The following FREM1 variants were observed in gnomAD, a reference collection of about 807,000 sequenced individuals.
FREM1 encodes FRAS1 related extracellular matrix 1.
In FREM1, 220 loss-of-function variants were observed where a neutral mutation model predicts 210.1. The ratio of observed to expected loss-of-function variants is 1.05; its 90% CI spans 0.94 to 1.17. The LOEUF is 1.17. Among genes scored for constraint, FREM1 ranks in the 50% most tolerant of loss-of-function variants. FREM1 has a pLI of 0.00. For synonymous variants in FREM1, 1,189 were observed against 980.2 expected (o/e 1.21, Z -3.98); for missense variants, 3,454 against 2,675.5 (o/e 1.29, Z -6.42).
At chr9:14,831,205 C>G (rs1003284805) in intron 10 of FREM1, among the ~76,000 whole-genome samples, 2 of 152,184 alleles carry the variant, frequency 1.3e-5, no homozygotes, top group African/African-American at 4.8e-5. Context: ...CTCCAACAGC[C>G]CATTCTGGGT....
chr9:14,810,546 G>A (rs1219513914), intron 16 of FREM1, among the ~76,000 whole-genome samples: 4 of 152,204 alleles, frequency 2.6e-5, no homozygotes. Context: ...CCACCTCCTG[G>A]GCTCAAGCGA....
At chr9:14,779,236 G>T (rs752744176) in intron 24 of FREM1, among the ~76,000 whole-genome samples, 2 of 152,074 alleles carry the variant, frequency 1.3e-5, no homozygotes, top group Non-Finnish European at 2.9e-5. Context: ...CTGGCTCTCT[G>T]TTCCTTACCA....
Position 14,805,104 on chromosome 9 carries a change from T to C in FREM1, c.3323A>G (p.Gln1108Arg), listed in dbSNP as rs781218883. The change falls in exon 19 of 37, where the codon CAG becomes CGG. Residue 1108 changes from glutamine to arginine, a missense_variant. Transcript: ENST00000380880. ...DMNAFHINYV[Q>R]SRHLRIEPTA... The stretch of plus-strand genomic sequence containing the variant: ...TGGTTCTATCCTCAGATGCCTGGAC[T>C]GCACATAGTTAATGTGAAAAGCGTT... The C allele has an allele frequency of 6.2e-7, 1 of 1,605,672 alleles. No homozygotes were observed. Among genetic ancestry groups the C allele is most frequent in the Non-Finnish European group, 8.5e-7 (1 of 1,174,728 alleles).
intron 1 of FREM1, among the ~76,000 whole-genome samples, chr9:14,887,382 T>C (rs1183902083): frequency 2.6e-5 from 4 of 152,216 alleles, no homozygotes; most frequent in Non-Finnish European, 5.9e-5. Context: ...CAAGTGCCCT[T>C]TCCCCTGTAT....
rs951723576 is a variant in FREM1 at position 14,836,423 on chromosome 9, T to C, written c.1881+5024A>G. ...TAGTGATGCACTTTTAAATGAAACA[T>C]GCTGCTTTTGGATTAACACCTAGTA... On this transcript the variant is annotated intron_variant, in intron 10 of 36. Transcript: ENST00000380880. This position sits in a 1 kb window ranked among gnomAD's most constrained non-coding sequence, Gnocchi z 4.9. Among the ~76,000 whole-genome samples, 1 of 152,218 alleles carries C rather than the reference T, an allele frequency of 6.6e-6. No individual in the cohort carries two copies. The highest frequency in any genetic ancestry group is 1.5e-5 in the Non-Finnish European group (1 of 68,040).
At chr9:14,861,667 C>A (rs1830621881) in intron 3 of FREM1, among the ~76,000 whole-genome samples, 1 of 151,716 alleles carries the variant, frequency 6.6e-6, no homozygotes. Context: ...CCACCACTCC[C>A]AGCTAATTTT....
intron 27 of FREM1, among the ~76,000 whole-genome samples, chr9:14,761,494 C>T (rs1344555741): frequency 2.0e-5 from 3 of 152,142 alleles, no homozygotes; most frequent in Non-Finnish European, 4.4e-5. Context: ...TCTGATGCAA[C>T]TGAATTTAAA....
intron 36 of FREM1, among the ~76,000 whole-genome samples, chr9:14,738,860 CTT>C (rs2131838760): frequency 6.6e-6 from 1 of 151,578 alleles, no homozygotes; most frequent in South Asian, 2.1e-4. Flanking sequence ...AAATACAAAA[CTT>C]AGCCAGGTGT....
intron 1 of FREM1, among the ~76,000 whole-genome samples, chr9:14,882,867 C>A (rs1182739544): frequency 7.4e-6 from 1 of 135,862 alleles, no homozygotes; most frequent in Non-Finnish European, 1.5e-5. Context: ...GAGCTGAGAT[C>A]ATGCCACTGC....
intron 27 of FREM1, among the ~76,000 whole-genome samples, chr9:14,767,682 A>G (rs1350538605): frequency 6.6e-6 from 1 of 152,140 alleles, no homozygotes; most frequent in Non-Finnish European, 1.5e-5. Flanking sequence ...TTACTGGAAA[A>G]TTGTGCACCT....
chr9:14,874,140 T>C (rs1412875707), intron 1 of FREM1, among the ~76,000 whole-genome samples: 1 of 152,186 alleles, frequency 6.6e-6, no homozygotes, highest in Non-Finnish European at 1.5e-5. Context: ...AAAATGTATA[T>C]TCTGTTGATT....
In FREM1 at chr9:14,775,938, G is replaced by A; in HGVS notation, c.4708C>T (p.Gln1570Ter). Residue 1570 changes from glutamine to a stop codon, truncating the protein, a stop_gained, in exon 25 of 37, where the codon CAG (glutamine) becomes TAG (stop). Coordinates refer to ENST00000380880, the MANE Select transcript of FREM1 (RefSeq NM_001379081.2). LOFTEE classifies it high-confidence loss of function. ...TGLLQHNFTQQDVDSKNVAYR... is the reference protein window; with the variant it reads ...TGLLQHNFTQ The stretch of plus-strand genomic sequence containing the variant: ...GCCACATTCTTGCTGTCCACATCCT[G>A]CTGGGTGAAATTGTGTTGAAGTAGC... 6.2e-7 allele frequency: 1 copy of A among 1,613,976 alleles called. No homozygotes were observed. Among genetic ancestry groups the A allele is most frequent in the Non-Finnish European group, 8.5e-7 (1 of 1,179,888 alleles).
chr9:14,788,837 A>G (rs879065742), intron 23 of FREM1, 82 bp downstream of exon 23: 3 of 1,038,446 alleles, frequency 2.9e-6, no homozygotes, highest in South Asian at 1.8e-5. Context: ...AGGGAGGGAA[A>G]GAGAGAGAAA....
In FREM1 at chr9:14,807,879, T is replaced by G. The variant is rs1418675957; in HGVS notation, c.3088+61A>C. 2.6e-6 allele frequency: 3 copies of G among 1,134,092 alleles called. No homozygotes were observed. In the African/African-American group the frequency reaches 4.7e-5, roughly 18 times the overall value. 70.3% of individuals were successfully genotyped at this position (1,134,092 alleles called of 1,614,324 possible). On this transcript the variant is annotated intron_variant, in intron 17 of 36. Coordinates refer to ENST00000380880, the MANE Select transcript of FREM1 (RefSeq NM_001379081.2). Reference sequence around the variant, plus strand: ...CTATAAATGAAATGTATTATTTCACTGAACCACAGGTATGACACTAGGTCA... The same window carrying G: ...CTATAAATGAAATGTATTATTTCACGGAACCACAGGTATGACACTAGGTCA...
chr9:14,852,289 C>T (rs1351867090), intron 5 of FREM1, among the ~76,000 whole-genome samples: 1 of 152,182 alleles, frequency 6.6e-6, no homozygotes, highest in Non-Finnish European at 1.5e-5. Context: ...TGAGGCTAGG[C>T]ATGCATCCTC....
At chr9:14,771,924 G>A (rs1206094814) in intron 25 of FREM1, among the ~76,000 whole-genome samples, 2 of 151,896 alleles carry the variant, frequency 1.3e-5, no homozygotes, top group Non-Finnish European at 2.9e-5. Flanking sequence ...TACTATTTTT[G>A]TTAAAAATAT....
chr9:14,877,318 G>A (rs1439844061), intron 1 of FREM1, among the ~76,000 whole-genome samples: 2 of 151,738 alleles, frequency 1.3e-5, no homozygotes, highest in Admixed American at 1.3e-4. Flanking sequence ...ACTTTATGAA[G>A]CCAAAATTGA....
chr9:14,753,131 C>T (rs1398687274), intron 29 of FREM1, among the ~76,000 whole-genome samples: 1 of 152,154 alleles, frequency 6.6e-6, no homozygotes, highest in Non-Finnish European at 1.5e-5. Flanking sequence ...CTGAGATATA[C>T]AAGCATTTTC....
chr9:14,824,258 GATTCT>G (rs1467414377), intron 11 of FREM1, 143 bp from the exon 12 acceptor site: 1 of 596,956 alleles, frequency 1.7e-6, no homozygotes, highest in Admixed American at 2.7e-5. Context: ...TATGTTGGGA[GATTCT>G]AGCATTAAGT....
Sources: allele counts gnomAD v4.1 joint callset (sites outside exome capture counted in the v4.1 genomes callset), GRCh38; gene constraint gnomAD v4.1.1; non-coding constraint Gnocchi (gnomAD v3.1); transcripts MANE v1.5; gene names NCBI Gene and HGNC (gene_info 2026-07-23, HGNC 2026-07-21).